The following MYOF variants were observed in gnomAD, a reference collection of about 807,000 sequenced individuals.
MYOF encodes myoferlin.
Under a neutral mutation model 284.2 loss-of-function variants are expected in MYOF, and 244 were observed. The ratio of observed to expected loss-of-function variants is 0.86; its 90% CI spans 0.77 to 0.95. The LOEUF is 0.95. Among genes scored for constraint, MYOF ranks in the 40% least tolerant of loss-of-function variants. The pLI is 0.00. For synonymous variants in MYOF, 904 were observed against 919.7 expected, an observed-to-expected ratio of 0.98 and a Z score of 0.31; for missense variants, 2,496 against 2,560.6, an observed-to-expected ratio of 0.97 and a Z score of 0.54.
intron 11 of MYOF, 118 bp from the exon 12 acceptor site, chr10:93,401,662 T>C: frequency 1.4e-6 from 2 of 1,391,288 alleles, no homozygotes. Context: ...TTCCTGTGTT[T>C]GGGGCTTAAG....
At chr10:93,325,470 A>G (rs899378624) in intron 46 of MYOF, among the ~76,000 whole-genome samples, 1 of 152,206 alleles carries the variant, frequency 6.6e-6, no homozygotes, top group Non-Finnish European at 1.5e-5. Flanking sequence ...ATTTAGAAGT[A>G]GATGGGGCTG....
At chr10:93,360,016 G>C in intron 28 of MYOF, 38 bp from the exon 29 acceptor site, 1 of 1,612,106 alleles carries the variant, frequency 6.2e-7, no homozygotes, top group Non-Finnish European at 8.5e-7. Context: ...CAGAAGAGAT[G>C]CATTTGCCAG....
chr10:93,430,082 G>A (rs1331324621), intron 4 of MYOF, among the ~76,000 whole-genome samples: 6 of 151,618 alleles, frequency 4.0e-5, no homozygotes, highest in East Asian at 2.0e-4. Flanking sequence ...CTACAGGCAC[G>A]TGCCACCATG....
intron 45 of MYOF, among the ~76,000 whole-genome samples, chr10:93,327,905 A>G: frequency 6.6e-6 from 1 of 152,012 alleles, no homozygotes; most frequent in Admixed American, 6.6e-5. Context: ...TTACAGGTGC[A>G]TGCCACCACA....
chr10:93,311,859 G>A (rs1222164996), intron 51 of MYOF, among the ~76,000 whole-genome samples: 1 of 152,168 alleles, frequency 6.6e-6, no homozygotes, highest in Non-Finnish European at 1.5e-5. Flanking sequence ...TCATGGCGTT[G>A]TCAGCAGAAC....
chr10:93,366,675 C>G (rs1235514448), intron 25 of MYOF, 120 bp from the exon 26 acceptor site: 1 of 815,138 alleles, frequency 1.2e-6, no homozygotes, highest in Non-Finnish European at 1.9e-6. Flanking sequence ...CAGAAAAAAG[C>G]TTTATGCTCA....
intron 24 of MYOF, among the ~76,000 whole-genome samples, chr10:93,372,587 CTCTT>C (rs1337184106): frequency 6.6e-6 from 1 of 152,238 alleles, no homozygotes; most frequent in Non-Finnish European, 1.5e-5. Context: ...CTACTGCTTT[CTCTT>C]TCTTTCCCCA....
chr10:93,338,185 C>T, intron 39 of MYOF: 1 of 504,574 alleles, frequency 2.0e-6, no homozygotes, highest in Non-Finnish European at 3.6e-6. Flanking sequence ...GTCTTTTACA[C>T]ACAGTCTATT....
chr10:93,321,821 G>A (rs1842853706), intron 48 of MYOF, among the ~76,000 whole-genome samples: 1 of 152,134 alleles, frequency 6.6e-6, no homozygotes, highest in Admixed American at 6.5e-5. Context: ...AGCTTGGTAT[G>A]TAATATAATA....
rs1447957989 is a variant in MYOF, at chr10:93,351,705, G to A, written c.3623C>T (p.Pro1208Leu). 26 of 1,591,480 alleles carry A rather than the reference G, an allele frequency of 1.6e-5. No homozygotes were observed. The highest frequency in any genetic ancestry group is 1.7e-4 in the Middle Eastern group (1 of 5,964). Residue 1208 changes from proline (P) to leucine (L), a missense_variant, in exon 33 of 54, where the codon CCA (proline) becomes CTA (leucine). Physicochemically the swap from Pro to Leu is moderately conservative, Grantham distance 98 (BLOSUM62 -3). Coordinates refer to ENST00000359263, the MANE Select transcript of MYOF (RefSeq NM_013451.4). ...YGEPQTVLQN[P>L]PKVIMELFDN... is the part of the protein sequence containing the mutation. Reference sequence around the variant, plus strand: ...AAAAAGTTCCATGATAACTTTGGGTGGATTCTGTAGAACTGTTTGGGGTTC... The same window carrying A: ...AAAAAGTTCCATGATAACTTTGGGTAGATTCTGTAGAACTGTTTGGGGTTC...
chr10:93,451,959 A>C (rs2056602351), intron 3 of MYOF, 91 bp downstream of exon 3: 3 of 924,242 alleles, frequency 3.2e-6, no homozygotes, highest in Non-Finnish European at 5.2e-6. Flanking sequence ...GAAGTATTAT[A>C]ATACGTTATT....
In MYOF at chr10:93,409,568, G is replaced by A; in HGVS notation, c.600+5C>T. On this transcript the variant is annotated splice_donor_5th_base_variant and intron_variant, in intron 6 of 53. Coordinates refer to ENST00000359263, the MANE Select transcript of MYOF (RefSeq NM_013451.4). ...CAAAGAAGCAGAACGCCAGGCCGTT[G>A]CTACCTGGAAGTCCTGTGGCTTATT... 1 of 1,610,958 alleles carries A rather than the reference G, an allele frequency of 6.2e-7. No individual in the cohort carries two copies.
chr10:93,351,533 A>T lies in MYOF; in HGVS notation c.3702T>A (p.Pro1234=), dbSNP rs765052999. 6.2e-7 allele frequency: 1 copy of T among 1,614,222 alleles called. No individual in the cohort carries two copies. The highest frequency in any genetic ancestry group is 1.1e-5 in the South Asian group (1 of 91,072). Residue 1234 remains proline (P), a synonymous_variant, in exon 34 of 54, where the codon CCT becomes CCA. Transcript: ENST00000359263. ...CCATTTCTGAGTTCAGTTTCACCAC[A>T]GGAGAGAAAATGCTTCGTCCTAAAA... The part of the protein sequence containing the change: ...DEFLGRSIFS[P]VVKLNSEMDI...
chr10:93,341,989 GT>G, intron 38 of MYOF: 5 of 1,288,794 alleles, frequency 3.9e-6, no homozygotes, highest in Non-Finnish European at 5.1e-6. Context: ...GAAGGTAATT[GT>G]TGAGATGGCC....
chr10:93,332,802 A>C (rs540183327), intron 43 of MYOF, among the ~76,000 whole-genome samples: 4 of 152,070 alleles, frequency 2.6e-5, no homozygotes, highest in Non-Finnish European at 4.4e-5. Flanking sequence ...AGCCGAGATC[A>C]CGCCACTGCA....
intron 3 of MYOF, among the ~76,000 whole-genome samples, chr10:93,445,432 T>A (rs985628817): frequency 2.0e-5 from 3 of 152,258 alleles, no homozygotes; most frequent in Non-Finnish European, 2.9e-5. Context: ...GAACTTTCAT[T>A]CTTCAGCCTC....
chr10:93,308,584 C>CA (rs35344958), intron 53 of MYOF, among the ~76,000 whole-genome samples: 2,937 of 94,394 alleles, frequency 0.031, 88 homozygotes, highest in African/African-American at 0.079. Context: ...GACTCTGTCT[C>CA]AAAAAAAAAA....
At chr10:93,347,170 C>G (rs1009193336) in intron 37 of MYOF, among the ~76,000 whole-genome samples, 1 of 152,176 alleles carries the variant, frequency 6.6e-6, no homozygotes, top group Non-Finnish European at 1.5e-5. Context: ...CCGCAACTCA[C>G]GCAGTTTGCT....
intron 13 of MYOF, among the ~76,000 whole-genome samples, chr10:93,397,854 T>C (rs1474295030): frequency 6.6e-6 from 1 of 151,964 alleles, no homozygotes; most frequent in African/African-American, 2.4e-5. Flanking sequence ...CTTGTTCCAG[T>C]CTTTCCATCG....
Sources: gnomAD v4.1 joint callset for allele counts (sites outside exome capture counted in the v4.1 genomes callset) on GRCh38, gnomAD v4.1.1 for gene constraint, MANE v1.5 for transcripts, NCBI Gene and HGNC (gene_info 2026-07-23, HGNC 2026-07-21) for gene names.